Variants in GNL3L observed in about 807,000 individuals in gnomAD.
The protein encoded by GNL3L is guanine nucleotide-binding protein-like 3-like protein.
Under a neutral mutation model 42.9 loss-of-function variants are expected in GNL3L, and 4 were observed. That is an observed-to-expected ratio of 0.09 (90% CI 0.05 to 0.21). GNL3L has a LOEUF of 0.21. GNL3L is among the 10% of genes least tolerant of loss of function. The pLI is 1.00. For missense variants in GNL3L, 412 were observed against 481.7 expected, an observed-to-expected ratio of 0.86 and a Z score of 1.36; for synonymous variants, 159 against 176.3, an observed-to-expected ratio of 0.90 and a Z score of 0.78.
Position 54,540,122 on chromosome X carries a change from A to C in GNL3L, c.82-13A>C. On this transcript the variant is annotated splice_polypyrimidine_tract_variant and intron_variant, in intron 3 of 15. Coordinates refer to ENST00000360845, the MANE Select transcript of GNL3L (RefSeq NM_001184819.2). ...TCATTACCTCTGTTTTTTTTCTCTTATGTGGTGGCCAGCCTGCAAAGCAAA... is the reference window on the plus strand; with the variant it reads ...TCATTACCTCTGTTTTTTTTCTCTTCTGTGGTGGCCAGCCTGCAAAGCAAA... The C allele has an allele frequency of 8.8e-7, 1 of 1,138,436 alleles. No homozygotes were observed. Among genetic ancestry groups the C allele is most frequent in the Non-Finnish European group, 1.2e-6 (1 of 831,642 alleles). The allele number at this position is 1,138,436 out of a possible 1,213,427, so 93.8% of individuals were successfully genotyped here. A position where few individuals can be genotyped will look rare whatever the true frequency, so the allele number is the denominator to read the frequency against.
intron 9 of GNL3L, among the ~76,000 whole-genome samples, chrX:54,550,029 G>T (rs1924886416): frequency 9.1e-6 from 1 of 110,253 alleles, no homozygotes; most frequent in African/African-American, 3.3e-5. Context: ...GATTGGTGGG[G>T]TGGAGAGAAT....
At chrX:54,569,632 A>T (rs776127917), downstream of GNL3L, among the ~76,000 whole-genome samples, 2 of 112,190 alleles carry the variant, frequency 1.8e-5, no homozygotes, top group South Asian at 7.3e-4. Flanking sequence ...CATTCCTGAT[A>T]TTAATAGTTT....
chrX:54,587,589 T>C (rs1373620820), intron 16 of GNL3L, among the ~76,000 whole-genome samples: 1 of 112,135 alleles, frequency 8.9e-6, no homozygotes. Context: ...CTTCAGTGTT[T>C]TATAGTTTTC....
chrX:54,597,836 T>A (rs1228150816), intron 16 of GNL3L, among the ~76,000 whole-genome samples: 1 of 110,812 alleles, frequency 9.0e-6, no homozygotes, highest in Non-Finnish European at 1.9e-5. Context: ...AGGGTAGCAT[T>A]GAGTTCAATG....
intron 16 of GNL3L, among the ~76,000 whole-genome samples, chrX:54,609,029 A>G (rs1926133136): frequency 9.0e-6 from 1 of 111,288 alleles, no homozygotes; most frequent in Non-Finnish European, 1.9e-5. Context: ...GTTTTTTGAT[A>G]TTTTGATTAT....
the GNL3L span, among the ~76,000 whole-genome samples, chrX:54,629,766 TG>T: frequency 9.0e-6 from 1 of 111,703 alleles, no homozygotes; most frequent in African/African-American, 3.2e-5. Context: ...AGGGTGATAC[TG>T]GCTTCATAGA....
chrX:54,624,085 T>C (rs763808674), downstream of GNL3L, among the ~76,000 whole-genome samples: 1 of 111,395 alleles, frequency 9.0e-6, no homozygotes, highest in Non-Finnish European at 1.9e-5. Flanking sequence ...CATGCCTGAC[T>C]AATTTTTGTA....
intron 2 of GNL3L, 152 bp from the exon 3 acceptor site, chrX:54,538,888 A>G: frequency 2.4e-6 from 1 of 415,815 alleles, no homozygotes; most frequent in Non-Finnish European, 4.2e-6. Context: ...TATTGCTGCC[A>G]TCCGCATCTC....
chrX:54,632,227 A>C, the GNL3L span, among the ~76,000 whole-genome samples: 1 of 111,469 alleles, frequency 9.0e-6, no homozygotes, highest in Non-Finnish European at 1.9e-5. Flanking sequence ...TTGACTTTAG[A>C]TAACCTGATG....
the GNL3L span, among the ~76,000 whole-genome samples, chrX:54,635,537 T>A: frequency 3.6e-5 from 4 of 111,285 alleles, no homozygotes; most frequent in Admixed American, 3.8e-4. Flanking sequence ...GTTAAGGGGG[T>A]ACATTAAATT....
intron 14 of GNL3L, among the ~76,000 whole-genome samples, chrX:54,557,900 T>G (rs1925144040): frequency 9.1e-6 from 1 of 110,356 alleles, no homozygotes; most frequent in Non-Finnish European, 1.9e-5. Context: ...AGAAAATTTT[T>G]TTTTTTGAGA....
Position 54,551,570 on chromosome X carries a change from T to C in GNL3L, c.866T>C (p.Phe289Ser). The C allele has an allele frequency of 8.3e-7, 1 of 1,208,726 alleles. No homozygotes were observed. The highest frequency in any genetic ancestry group is 1.1e-6 in the Non-Finnish European group (1 of 893,186). The change falls in exon 11 of 16, where the codon TTC becomes TCC. Residue 289 changes from phenylalanine (F) to serine (S), a missense_variant and splice_region_variant. Transcript: ENST00000360845. ...SVGAVPGITKFMQEVYLDKFI... is the reference protein window; with the variant it reads ...SVGAVPGITKSMQEVYLDKFI... Reference sequence around the variant, plus strand: ...GGCTTTCTTCTTCCCCGCCCCAGATTCATGCAGGAGGTCTACCTGGACAAG... The same window carrying C: ...GGCTTTCTTCTTCCCCGCCCCAGATCCATGCAGGAGGTCTACCTGGACAAG...
chrX:54,554,419 T>C (rs1380365746), intron 13 of GNL3L, 146 bp from the exon 14 acceptor site: 1 of 465,630 alleles, frequency 2.1e-6, no homozygotes, highest in African/African-American at 2.4e-5. Flanking sequence ...TAATTCTTGG[T>C]GATGTGGCCT....
intron 15 of GNL3L, 69 bp from the exon 16 acceptor site, chrX:54,560,451 G>T: frequency 3.1e-6 from 2 of 653,866 alleles, no homozygotes; most frequent in East Asian, 6.5e-5. Flanking sequence ...GTAGATGTAG[G>T]CCAGCGTCAG....
chrX:54,554,523 A>G, intron 13 of GNL3L, 42 bp from the exon 14 acceptor site: 1 of 1,190,710 alleles, frequency 8.4e-7, no homozygotes, highest in Non-Finnish European at 1.1e-6. Flanking sequence ...CTGGCAACAG[A>G]GGGGAGCCAG....
rs567172499 is a variant in GNL3L, at chrX:54,564,402, CTTTTTTTT to C, written c.*3813_*3820del. 7.4e-5 allele frequency among the ~76,000 whole-genome samples: 6 copies of C among 80,810 alleles called. No individual in the cohort carries two copies. Among genetic ancestry groups the C allele is most frequent in the African/African-American group, 3.0e-4 (6 of 20,058 alleles). 70.2% of individuals were successfully genotyped at this position (80,810 alleles called of 115,157 possible). On this transcript the variant is annotated 3_prime_UTR_variant, in exon 16 of 16. Coordinates refer to ENST00000360845, the MANE Select transcript of GNL3L (RefSeq NM_001184819.2). Reference sequence around the variant, plus strand: ...AGTCACTGGTTTTTTTCTTCGTTCTCTTTTTTTTTTTTTTTTTTTTGAGACAGAGTCTA... The same window carrying C: ...AGTCACTGGTTTTTTTCTTCGTTCTCTTTTTTTTTTTTGAGACAGAGTCTA...
chrX:54,572,607 C>T (rs1458495944), intron 16 of GNL3L, among the ~76,000 whole-genome samples: 4 of 109,862 alleles, frequency 3.6e-5, no homozygotes, highest in Non-Finnish European at 5.7e-5. Flanking sequence ...CCTCACCTCC[C>T]GGATGGGGCG....
intron 16 of GNL3L, among the ~76,000 whole-genome samples, chrX:54,601,386 TAAGAA>T (rs745993808): frequency 6.3e-5 from 7 of 111,870 alleles, no homozygotes; most frequent in Non-Finnish European, 1.1e-4. Context: ...GGTTTACAAA[TAAGAA>T]AAGAAAACCC....
chrX:54,558,461 C>T lies in GNL3L; in HGVS notation c.1472C>T (p.Thr491Ile). The change falls in exon 15 of 16, where the codon ACC (threonine) becomes ATC (isoleucine). Residue 491 changes from threonine to isoleucine, a missense_variant. Physicochemically the swap from Thr to Ile is moderately conservative, Grantham distance 89 (BLOSUM62 -1). Coordinates refer to ENST00000360845, the MANE Select transcript of GNL3L (RefSeq NM_001184819.2). ...ATTGGAGATCTCACTGGGTATTGCACCAATCCGAACCGTCATCAGATGGGG... is the reference window on the plus strand; with the variant it reads ...ATTGGAGATCTCACTGGGTATTGCATCAATCCGAACCGTCATCAGATGGGG... ...YKIGDLTGYC[T>I]NPNRHQMGWA... 1 of 1,204,554 alleles carries T rather than the reference C, an allele frequency of 8.3e-7. No individual in the cohort carries two copies. The highest frequency in any genetic ancestry group is 1.1e-6 in the Non-Finnish European group (1 of 889,383).
Sources: gnomAD v4.1 joint callset for allele counts (sites outside exome capture counted in the v4.1 genomes callset) on GRCh38, gnomAD v4.1.1 for gene constraint, MANE v1.5 for transcripts, NCBI Gene and HGNC (gene_info 2026-07-23, HGNC 2026-07-21) for gene names.